The following ANO2 variants were observed in gnomAD, a reference collection of about 807,000 sequenced individuals.
The protein encoded by ANO2 is anoctamin 2, also known as anoctamin-2.
ANO2 carries 101 observed loss-of-function variants against 124.2 expected under a neutral mutation model. The ratio of observed to expected loss-of-function variants is 0.81; its 90% CI spans 0.69 to 0.96. ANO2 has a LOEUF of 0.96. Among genes scored for constraint, ANO2 ranks in the 40% least tolerant of loss-of-function variants. The pLI, the probability that ANO2 is intolerant of heterozygous loss-of-function variation, is 0.00. For missense variants in ANO2, 1,293 were observed against 1,274.5 expected, an observed-to-expected ratio of 1.01 and a Z score of -0.22; for synonymous variants, 486 against 482.5, an observed-to-expected ratio of 1.01 and a Z score of -0.09.
chr12:5,608,807 A>T (rs991035632), intron 19 of ANO2: 3 of 152,284 alleles, frequency 2.0e-5, no homozygotes, highest in African/African-American at 7.2e-5. Context: ...AGACATGCCA[A>T]CGTGTTGTCC....
At chr12:5,596,710 T>C (rs1462839829) in intron 20 of ANO2, among the ~76,000 whole-genome samples, 4 of 152,156 alleles carry the variant, frequency 2.6e-5, no homozygotes, top group African/African-American at 9.7e-5. Context: ...GGTAGATGTG[T>C]ATTCAGTGGC....
At chr12:5,566,607 T>C (rs1181626577) in intron 23 of ANO2, among the ~76,000 whole-genome samples, 1 of 152,102 alleles carries the variant, frequency 6.6e-6, no homozygotes, top group Non-Finnish European at 1.5e-5. Context: ...GCAATGATAG[T>C]GGCTGCCAAG....
intron 10 of ANO2, among the ~76,000 whole-genome samples, chr12:5,789,410 CCT>C (rs1952634625): frequency 6.6e-6 from 1 of 152,210 alleles, no homozygotes; most frequent in Non-Finnish European, 1.5e-5. Flanking sequence ...TCTCCAATCC[CCT>C]CTCTGTCTCT....
At chr12:5,698,546 C>A (rs977141307) in intron 14 of ANO2, among the ~76,000 whole-genome samples, 1 of 152,226 alleles carries the variant, frequency 6.6e-6, no homozygotes, top group East Asian at 1.9e-4. Flanking sequence ...TACCTCTTCT[C>A]CTCCAAAGGA....
chr12:5,790,760 C>T (rs992412473), intron 10 of ANO2, among the ~76,000 whole-genome samples: 9 of 152,156 alleles, frequency 5.9e-5, no homozygotes, highest in African/African-American at 1.7e-4. Flanking sequence ...CCATCAGTAC[C>T]CTTCAAGCTC....
chr12:5,722,722 ATG>A (rs144004066), intron 14 of ANO2, among the ~76,000 whole-genome samples: 6 of 151,834 alleles, frequency 4.0e-5, no homozygotes, highest in South Asian at 2.1e-4. Flanking sequence ...TGACTTTCGT[ATG>A]TGTGTGTGTG....
intron 14 of ANO2, among the ~76,000 whole-genome samples, chr12:5,703,855 C>T (rs1949500592): frequency 6.6e-6 from 1 of 152,128 alleles, no homozygotes; most frequent in Admixed American, 6.5e-5. Context: ...CAGCTTATTC[C>T]TTAGACTTTT....
chr12:5,818,839 G>A (rs1432602698), intron 7 of ANO2, among the ~76,000 whole-genome samples: 2 of 152,060 alleles, frequency 1.3e-5, no homozygotes, highest in Non-Finnish European at 2.9e-5. Context: ...GGGAACCAAG[G>A]AACATAATGA....
In ANO2 at chr12:5,635,102, A is replaced by G. The variant is rs762715186; in HGVS notation, c.1816+50T>C. ...TTTTATCACCAAAAGCCTTGCACGC[A>G]TTGACTTAAAGAGGGCCTAGGACAG... is the stretch of plus-strand genomic sequence containing the variant. On this transcript the variant is annotated intron_variant, in intron 16 of 24. Coordinates refer to ENST00000682330, the MANE Select transcript of ANO2 (RefSeq NM_001364791.2). The surrounding 1 kb of genome is among the most constrained non-coding windows in gnomAD (Gnocchi z 5.2). The G allele has an allele frequency of 1.4e-6, 2 of 1,465,500 alleles. No homozygotes were observed. Among genetic ancestry groups the G allele is most frequent in the Admixed American group, 2.6e-5 (1 of 38,350 alleles). 90.8% of individuals were successfully genotyped at this position (1,465,500 alleles called of 1,614,324 possible). A position where few individuals can be genotyped will look rare whatever the true frequency, so the allele number is the denominator to read the frequency against.
At chr12:5,902,622 G>A (rs1332202716) in intron 3 of ANO2, among the ~76,000 whole-genome samples, 2 of 4,382 alleles carry the variant, frequency 4.6e-4, no homozygotes, top group African/African-American at 7.8e-4. Flanking sequence ...GGGAGGGGAG[G>A]GGAGGGGAGG....
At chr12:5,803,873 C>A (rs778123984) in intron 9 of ANO2, among the ~76,000 whole-genome samples, 2 of 152,182 alleles carry the variant, frequency 1.3e-5, no homozygotes, top group Non-Finnish European at 2.9e-5. Context: ...CATTCTCTAG[C>A]GCCTCTTGGC....
chr12:5,774,125 A>T (rs1371555872), intron 10 of ANO2, among the ~76,000 whole-genome samples: 1 of 152,116 alleles, frequency 6.6e-6, no homozygotes, highest in Non-Finnish European at 1.5e-5. Context: ...TGGCAGAAAA[A>T]ATAATAATAA....
At chr12:5,843,509 C>T (rs540507913) in intron 4 of ANO2, among the ~76,000 whole-genome samples, 2 of 151,916 alleles carry the variant, frequency 1.3e-5, no homozygotes, top group African/African-American at 4.8e-5. Context: ...GAGATTGCGC[C>T]ACTGCACTCC....
At chr12:5,853,867 C>T (rs1353187542) in intron 4 of ANO2, among the ~76,000 whole-genome samples, 176 bp downstream of exon 4, 19 of 134,408 alleles carry the variant, frequency 1.4e-4, no homozygotes, top group African/African-American at 4.9e-4. Flanking sequence ...CCCAACTCTT[C>T]CCCGTCCCCG....
intron 7 of ANO2, among the ~76,000 whole-genome samples, chr12:5,822,473 C>T (rs956233039): frequency 3.9e-5 from 6 of 152,190 alleles, no homozygotes; most frequent in African/African-American, 1.4e-4. Context: ...AACAAAGTGG[C>T]CATGGTGGCA....
At chr12:5,852,372 C>T (rs1009724309) in intron 4 of ANO2, among the ~76,000 whole-genome samples, 1 of 152,162 alleles carries the variant, frequency 6.6e-6, no homozygotes, top group African/African-American at 2.4e-5. Flanking sequence ...TGTGACCCCC[C>T]TCCCCGACAC....
At chr12:5,857,547 T>C (rs1565727710) in intron 3 of ANO2, among the ~76,000 whole-genome samples, 1 of 152,190 alleles carries the variant, frequency 6.6e-6, no homozygotes, top group African/African-American at 2.4e-5. Context: ...TTTTTTGGTC[T>C]TTTTTATAAT....
chr12:5,664,390 C>G (rs759008014), intron 14 of ANO2, among the ~76,000 whole-genome samples: 3 of 152,074 alleles, frequency 2.0e-5, no homozygotes, highest in African/African-American at 4.8e-5. Context: ...CATTCATATA[C>G]CCATCTATCC....
rs1341949351 is a variant in ANO2, at chr12:5,658,621, TCAA to T, written c.1546-10823_1546-10821del. On this transcript the variant is annotated intron_variant, in intron 14 of 24. Coordinates refer to ENST00000682330, the MANE Select transcript of ANO2 (RefSeq NM_001364791.2). The surrounding 1 kb of genome is among the most constrained non-coding windows in gnomAD (Gnocchi z 4.3). ...CATCATTATCATCATTAAATCATCATCAACATCAATATTATCATTGTCATCAAT... is the reference window on the plus strand; with the variant it reads ...CATCATTATCATCATTAAATCATCATCATCAATATTATCATTGTCATCAAT... Among the ~76,000 whole-genome samples the T allele has an allele frequency of 1.3e-5, 2 of 151,748 alleles. No individual in the cohort carries two copies. Among genetic ancestry groups the T allele is most frequent in the South Asian group, 2.1e-4 (1 of 4,806 alleles).
Sources: allele counts gnomAD v4.1 joint callset (sites outside exome capture counted in the v4.1 genomes callset), GRCh38; gene constraint gnomAD v4.1.1; non-coding constraint Gnocchi (gnomAD v3.1); transcripts MANE v1.5; gene names NCBI Gene and HGNC (gene_info 2026-07-23, HGNC 2026-07-21).